SERGEF: variants seen among roughly 807,000 people sequenced by gnomAD.
SERGEF encodes secretion regulating guanine nucleotide exchange factor, also known as secretion-regulating guanine nucleotide exchange factor.
A neutral mutation model predicts 50.0 loss-of-function variants in SERGEF; 51 were observed. The ratio of observed to expected loss-of-function variants is 1.02; its 90% CI spans 0.81 to 1.29. The LOEUF is 1.29. SERGEF is among the 50% of genes most tolerant of loss of function. The pLI, the probability that SERGEF is intolerant of heterozygous loss-of-function variation, is 0.00. For missense variants in SERGEF, 521 were observed against 557.0 expected (o/e 0.94, Z 0.65); for synonymous variants, 205 against 212.4 (o/e 0.97, Z 0.30).
In SERGEF at chr11:17,991,134, A is replaced by G. The variant is rs564478649; in HGVS notation, c.685+1797T>C. On this transcript the variant is annotated intron_variant, in intron 7 of 10. Coordinates refer to ENST00000265965, the MANE Select transcript of SERGEF (RefSeq NM_012139.4). The surrounding 1 kb of genome is among the most constrained non-coding windows in gnomAD (Gnocchi z 4.9). ...TCTTTAGCTCATTTTCAAAATATCA[A>G]AAACCATTTCACTTTGTGAATATAT... is the stretch of plus-strand genomic sequence containing the variant. Among the ~76,000 whole-genome samples, 3 of 152,328 alleles carry G rather than the reference A, an allele frequency of 2.0e-5. No homozygotes were observed. Among genetic ancestry groups the G allele is most frequent in the African/African-American group, 4.8e-5 (2 of 41,562 alleles).
intron 10 of SERGEF, among the ~76,000 whole-genome samples, chr11:17,799,523 C>T (rs2133824339): frequency 6.6e-6 from 1 of 152,306 alleles, no homozygotes; most frequent in Non-Finnish European, 1.5e-5. Flanking sequence ...GGACCAGGAG[C>T]AGCTGCACTG....
intron 8 of SERGEF, 68 bp from the exon 9 acceptor site, chr11:17,959,704 T>C (rs2133971548): frequency 1.5e-6 from 2 of 1,370,790 alleles, no homozygotes; most frequent in East Asian, 4.7e-5. Context: ...AGGCAATGAA[T>C]TACAAGAGAA....
intron 10 of SERGEF, among the ~76,000 whole-genome samples, chr11:17,845,816 G>C (rs1217515030): frequency 1.3e-5 from 2 of 152,164 alleles, no homozygotes; most frequent in Non-Finnish European, 2.9e-5. Flanking sequence ...TCCAGAGAGG[G>C]CCCACTTCCA....
At chr11:17,905,478 C>A (rs1269874011) in intron 9 of SERGEF, among the ~76,000 whole-genome samples, 2 of 152,224 alleles carry the variant, frequency 1.3e-5, no homozygotes, top group African/African-American at 4.8e-5. Flanking sequence ...CCTTGCTGAA[C>A]AACCAGCACT....
At chr11:17,793,005 T>C (rs1193897793) in intron 10 of SERGEF, among the ~76,000 whole-genome samples, 1 of 152,202 alleles carries the variant, frequency 6.6e-6, no homozygotes, top group East Asian at 1.9e-4. Context: ...TTATAGACTA[T>C]GGCCTATGGA....
intron 9 of SERGEF, among the ~76,000 whole-genome samples, chr11:17,911,528 T>A (rs572634104): frequency 1.3e-5 from 2 of 151,948 alleles, no homozygotes; most frequent in South Asian, 2.1e-4. Flanking sequence ...GATCTCTCTG[T>A]TGCCCAGACT....
chr11:17,933,379 C>T (rs904733952), intron 9 of SERGEF, among the ~76,000 whole-genome samples: 8 of 152,120 alleles, frequency 5.3e-5, no homozygotes, highest in African/African-American at 9.7e-5. Context: ...CATCTTGTGA[C>T]ATCCAAATGG....
chr11:17,966,266 C>G (rs114982351), intron 8 of SERGEF, among the ~76,000 whole-genome samples: 1 of 151,740 alleles, frequency 6.6e-6, no homozygotes, highest in Admixed American at 6.6e-5. Flanking sequence ...AAAGGAACAA[C>G]GGAGAAGAAA....
At chr11:17,934,182 C>T (rs1852406407) in intron 9 of SERGEF, among the ~76,000 whole-genome samples, 2 of 152,074 alleles carry the variant, frequency 1.3e-5, no homozygotes, top group South Asian at 4.1e-4. Flanking sequence ...GGATACCAGT[C>T]AAATGGGTCT....
chr11:17,906,632 A>G (rs1194446935), intron 9 of SERGEF, among the ~76,000 whole-genome samples: 1 of 152,070 alleles, frequency 6.6e-6, no homozygotes, highest in African/African-American at 2.4e-5. Flanking sequence ...CTGTTTCCTG[A>G]CCCAGTTTTC....
intron 1 of SERGEF, chr11:18,010,031 T>C (rs1460942603): frequency 3.4e-6 from 3 of 887,414 alleles, no homozygotes; most frequent in Admixed American, 2.8e-5. Context: ...AGAGAGAATC[T>C]TACTAAGATT....
intron 10 of SERGEF, among the ~76,000 whole-genome samples, chr11:17,851,200 G>A (rs1046386439): frequency 6.6e-6 from 1 of 152,168 alleles, no homozygotes; most frequent in African/African-American, 2.4e-5. Flanking sequence ...AGTCCTGTGA[G>A]ACGGGTGCTA....
chr11:17,910,897 C>T (rs770209525), intron 9 of SERGEF, among the ~76,000 whole-genome samples: 2 of 152,088 alleles, frequency 1.3e-5, no homozygotes, highest in Non-Finnish European at 2.9e-5. Flanking sequence ...AGGAGGGCCT[C>T]GTGGCTCAGG....
At chr11:17,975,202 G>A (rs1853344218) in intron 8 of SERGEF, among the ~76,000 whole-genome samples, 1 of 152,230 alleles carries the variant, frequency 6.6e-6, no homozygotes, top group African/African-American at 2.4e-5. Flanking sequence ...CCCAAGTAGA[G>A]TGAGCCCATG....
intron 10 of SERGEF, among the ~76,000 whole-genome samples, chr11:17,851,413 G>A (rs544358680): frequency 5.9e-5 from 9 of 152,188 alleles, no homozygotes; most frequent in African/African-American, 2.2e-4. Flanking sequence ...TAATTATTAT[G>A]TGTCTCCTGT....
intron 3 of SERGEF, 47 bp from the exon 4 acceptor site, chr11:18,004,582 C>G (rs1490605142): frequency 4.4e-6 from 6 of 1,365,018 alleles, no homozygotes; most frequent in Non-Finnish European, 4.1e-6. Flanking sequence ...AGTAAGATGT[C>G]TGTGACCAAT....
chr11:17,825,584 T>C (rs765071520), intron 10 of SERGEF, among the ~76,000 whole-genome samples: 1 of 152,216 alleles, frequency 6.6e-6, no homozygotes, highest in Non-Finnish European at 1.5e-5. Flanking sequence ...TCAACGTTCC[T>C]CTAAATTCTA....
intron 4 of SERGEF, 157 bp from the exon 5 acceptor site, chr11:18,000,714 C>T: frequency 1.4e-6 from 1 of 715,282 alleles, no homozygotes; most frequent in Non-Finnish European, 2.6e-6. Flanking sequence ...AATACCTCTA[C>T]ATTTATCCCT....
intron 2 of SERGEF, among the ~76,000 whole-genome samples, chr11:18,007,609 C>T (rs1854105333): frequency 1.3e-5 from 2 of 152,216 alleles, no homozygotes; most frequent in Admixed American, 6.5e-5. Flanking sequence ...AATCTAATTA[C>T]AAAGACTTCT....
Sources: gnomAD v4.1 joint callset for allele counts (sites outside exome capture counted in the v4.1 genomes callset) on GRCh38, gnomAD v4.1.1 for gene constraint, Gnocchi (gnomAD v3.1) non-coding constraint, MANE v1.5 for transcripts, NCBI Gene and HGNC (gene_info 2026-07-23, HGNC 2026-07-21) for gene names.